The following STEAP1 variants were observed in gnomAD, a reference collection of about 807,000 sequenced individuals.
STEAP1 encodes the protein STEAP family member 1.
STEAP1 carries 30 observed loss-of-function variants against 34.4 expected under a neutral mutation model. The observed-to-expected ratio is 0.87, with a 90% CI of 0.65 to 1.18. STEAP1 has a LOEUF of 1.18. Ranked by LOEUF, STEAP1 falls within the 50% of genes most tolerant of loss-of-function variation. The pLI, the probability that STEAP1 is intolerant of heterozygous loss-of-function variation, is 0.00. For missense variants in STEAP1, 318 were observed against 391.1 expected (o/e 0.81, Z 1.58); for synonymous variants, 116 against 135.3 (o/e 0.86, Z 0.99).
At chr7:90,164,202 G>A (rs988003165) in intron 4 of STEAP1, among the ~76,000 whole-genome samples, 1 of 152,094 alleles carries the variant, frequency 6.6e-6, no homozygotes, top group African/African-American at 2.4e-5. Flanking sequence ...ACAAAATGGT[G>A]GAGAAAGAGT....
rs1186253926 is a variant in STEAP1 at position 90,162,305 on chromosome 7, TTTTTTTGTTTGTTTG to T, written c.762+246_762+260del. 97 of 685,200 alleles carry T rather than the reference TTTTTTTGTTTGTTTG, an allele frequency of 1.4e-4. No homozygotes were observed. The South Asian group carries it at 1.6e-3, about 11-fold the overall frequency. 42.4% of individuals were successfully genotyped at this position (685,200 alleles called of 1,614,324 possible). A position where few individuals can be genotyped will look rare whatever the true frequency, so the allele number is the denominator to read the frequency against. ...AGGCATTAAAATATTCTTTGTTTTT[TTTTTTTGTTTGTTTG>T]TTTTTTGTTTGTTTGTTTGTTTTTT... On this transcript the variant is annotated intron_variant, in intron 4 of 4. Transcript: ENST00000297205.
rs374422469 is a variant in STEAP1, at chr7:90,161,898, A to C, written c.598-16A>C. On this transcript the variant is annotated splice_polypyrimidine_tract_variant and intron_variant, in intron 3 of 4. Transcript: ENST00000297205. Reference sequence around the variant, plus strand: ...TGTTGTTTGCATTTCTTCTTTCTTTATTTACCTTCTGGTAGGTCCAACAAA... The same window carrying C: ...TGTTGTTTGCATTTCTTCTTTCTTTCTTTACCTTCTGGTAGGTCCAACAAA... 2.5e-5 allele frequency: 39 copies of C among 1,583,800 alleles called. No homozygotes were observed. The highest frequency in any genetic ancestry group is 6.8e-5 in the African/African-American group (5 of 73,470).
At chr7:90,162,339 G>A in intron 4 of STEAP1, 1 of 477,766 alleles carries the variant, frequency 2.1e-6, no homozygotes, top group Non-Finnish European at 3.1e-6. Context: ...TTGTTTGTTT[G>A]TTTTTTTGAG....
At position 90,160,956 on chromosome 7, in the gene STEAP1, C is replaced by G; in HGVS notation, c.236C>G (p.Ala79Gly). Residue 79 changes from alanine to glycine, a missense_variant, in exon 3 of 5, where the codon GCT becomes GGT. Physicochemically the swap from Ala to Gly is moderately conservative, Grantham distance 60. Transcript: ENST00000297205. ...TGGCACTTGCCAATTAAAATAGCTG[C>G]TATTATAGCATCTCTGACTTTTCTT... ...PQWHLPIKIA[A>G]IIASLTFLYT... The G allele has an allele frequency of 1.2e-6, 2 of 1,613,994 alleles. No individual in the cohort carries two copies. The highest frequency in any genetic ancestry group is 2.2e-5 in the South Asian group (2 of 91,082).
In STEAP1 at chr7:90,164,484, T is replaced by C. The variant is rs781354458; in HGVS notation, c.770T>C (p.Leu257Pro). ...WREFHYIQSKLGIVSLLLGTI... is the reference protein window; with the variant it reads ...WREFHYIQSKPGIVSLLLGTI... Reference sequence around the variant, plus strand: ...TTTGTTTTTCTTTTGCAGAGCAAGCTAGGAATTGTTTCCCTTCTACTGGGC... The same window carrying C: ...TTTGTTTTTCTTTTGCAGAGCAAGCCAGGAATTGTTTCCCTTCTACTGGGC... Residue 257 changes from leucine to proline, a missense_variant, in exon 5 of 5, where the codon CTA (leucine) becomes CCA (proline). By Grantham distance (98) the Leu-to-Pro change is moderately conservative. Coordinates refer to ENST00000297205, the MANE Select transcript of STEAP1 (RefSeq NM_012449.3). 1.2e-6 allele frequency: 2 copies of C among 1,602,934 alleles called. No individual in the cohort carries two copies. The highest frequency in any genetic ancestry group is 1.7e-6 in the Non-Finnish European group (2 of 1,173,894).
intron 2 of STEAP1, 142 bp from the exon 3 acceptor site, chr7:90,160,663 T>C: frequency 7.5e-7 from 1 of 1,325,756 alleles, no homozygotes; most frequent in South Asian, 1.6e-5. Flanking sequence ...CTATGCTATC[T>C]TCAACTAACC....
At chr7:90,157,843 A>G (rs540160909) in intron 1 of STEAP1, among the ~76,000 whole-genome samples, 1 of 152,232 alleles carries the variant, frequency 6.6e-6, no homozygotes, top group Non-Finnish European at 1.5e-5. Flanking sequence ...TCTCTTCATG[A>G]CAGGATACAT....
rs1246873210 is a variant in STEAP1 at position 90,162,028 on chromosome 7, A to G, written c.712A>G (p.Ile238Val). The G allele has an allele frequency of 9.3e-6, 15 of 1,613,744 alleles. No individual in the cohort carries two copies. The highest frequency in any genetic ancestry group is 1.3e-5 in the African/African-American group (1 of 74,926). Residue 238 changes from isoleucine (I) to valine (V), a missense_variant, in exon 4 of 5, where the codon ATT becomes GTT. Coordinates refer to ENST00000297205, the MANE Select transcript of STEAP1 (RefSeq NM_012449.3). The stretch of plus-strand genomic sequence containing the variant: ...ACTGGCTCTGTTGGCTGTGACATCT[A>G]TTCCATCTGTGAGTGACTCTTTGAC... Reference protein sequence around the residue: ...AILALLAVTSIPSVSDSLTWR... With the variant: ...AILALLAVTSVPSVSDSLTWR...
At position 90,161,276 on chromosome 7, in the gene STEAP1, C is replaced by T. The variant is rs779678323; in HGVS notation, c.556C>T (p.Arg186Ter). The T allele has an allele frequency of 3.5e-5, 57 of 1,613,984 alleles. No individual in the cohort carries two copies. The highest frequency in any genetic ancestry group is 4.0e-5 in the African/African-American group (3 of 75,008). Residue 186 changes from arginine (R) to a stop codon, truncating the protein, a stop_gained, in exon 3 of 5, where the codon CGA becomes TGA. Transcript: ENST00000297205. LOFTEE classifies it high-confidence loss of function. ...AIYSLSYPMR[R>*]SYRYKLLNWA... The stretch of plus-strand genomic sequence containing the variant: ...TTATAGTCTGTCTTACCCAATGAGG[C>T]GATCCTACAGATACAAGTTGCTAAA...
intron 4 of STEAP1, chr7:90,162,287 A>G: frequency 1.4e-6 from 1 of 739,924 alleles, no homozygotes; most frequent in Non-Finnish European, 1.9e-6. Flanking sequence ...AAAAGGCATT[A>G]AAATATTCTT....
At chr7:90,157,720 A>C (rs1794133480) in intron 1 of STEAP1, among the ~76,000 whole-genome samples, 2 of 152,258 alleles carry the variant, frequency 1.3e-5, no homozygotes, top group African/African-American at 4.8e-5. Flanking sequence ...ATATCTGGAA[A>C]ATATTCCAAG....
chr7:90,162,513 G>A (rs1302526449), intron 4 of STEAP1, among the ~76,000 whole-genome samples: 1 of 151,968 alleles, frequency 6.6e-6, no homozygotes, highest in African/African-American at 2.4e-5. Flanking sequence ...ATTTTTAGTA[G>A]AGACAGGGTT....
intron 4 of STEAP1, 194 bp downstream of exon 4, chr7:90,162,272 T>A: frequency 1.3e-6 from 1 of 766,882 alleles, no homozygotes; most frequent in Non-Finnish European, 1.8e-6. Flanking sequence ...TTCCTAGACA[T>A]AAATAAAAGG....
chr7:90,159,039 T>G (rs1273478308), intron 1 of STEAP1, among the ~76,000 whole-genome samples: 1 of 152,238 alleles, frequency 6.6e-6, no homozygotes, highest in South Asian at 2.1e-4. Flanking sequence ...AAACAATGAA[T>G]AGTACTGTGA....
chr7:90,163,235 C>T (rs951059723), intron 4 of STEAP1: 43 of 173,080 alleles, frequency 2.5e-4, no homozygotes, highest in African/African-American at 7.0e-4. Context: ...AGAGTTGGTA[C>T]AACATTCTCA....
intron 4 of STEAP1, among the ~76,000 whole-genome samples, chr7:90,163,416 A>G (rs1403446561): frequency 6.6e-6 from 1 of 152,212 alleles, no homozygotes; most frequent in South Asian, 2.1e-4. Flanking sequence ...CTATTCTACT[A>G]TATGTACAAT....
Position 90,160,967 on chromosome 7 carries a change from T to C in STEAP1, c.247T>C (p.Ser83Pro), listed in dbSNP as rs770589860. Residue 83 changes from serine (S) to proline (P), a missense_variant, in exon 3 of 5, where the codon TCT becomes CCT. Physicochemically the swap from Ser to Pro is moderately conservative, Grantham distance 74. Coordinates refer to ENST00000297205, the MANE Select transcript of STEAP1 (RefSeq NM_012449.3). ...LPIKIAAIIA[S>P]LTFLYTLLRE... ...AATTAAAATAGCTGCTATTATAGCA[T>C]CTCTGACTTTTCTTTACACTCTTCT... 6.2e-7 allele frequency: 1 copy of C among 1,614,012 alleles called. No individual in the cohort carries two copies. Among genetic ancestry groups the C allele is most frequent in the Non-Finnish European group, 8.5e-7 (1 of 1,179,866 alleles).
intron 4 of STEAP1, 130 bp from the exon 5 acceptor site, chr7:90,164,347 T>C: frequency 1.8e-6 from 2 of 1,118,432 alleles, no homozygotes; most frequent in East Asian, 2.6e-5. Context: ...TGAATGGACA[T>C]TGTTGAGAAA....
At chr7:90,156,224 T>C (rs1425476580) in intron 1 of STEAP1, among the ~76,000 whole-genome samples, 1 of 152,176 alleles carries the variant, frequency 6.6e-6, no homozygotes, top group Admixed American at 6.5e-5. Flanking sequence ...TTGATTATAG[T>C]AGGTGACACT....
Sources: allele counts gnomAD v4.1 joint callset (sites outside exome capture counted in the v4.1 genomes callset), GRCh38; gene constraint gnomAD v4.1.1; transcripts MANE v1.5; gene names NCBI Gene and HGNC (gene_info 2026-07-23, HGNC 2026-07-21).